The following ATG5 variants were observed in gnomAD, a reference collection of about 807,000 sequenced individuals.
The protein encoded by ATG5 is autophagy protein 5.
Under a neutral mutation model 36.5 loss-of-function variants are expected in ATG5, and 14 were observed. The ratio of observed to expected loss-of-function variants is 0.38; its 90% CI spans 0.25 to 0.60. ATG5 has a LOEUF of 0.60. Among genes scored for constraint, ATG5 ranks in the 20% least tolerant of loss-of-function variants. The pLI is 0.60. For missense variants in ATG5, 195 were observed against 326.7 expected (o/e 0.60, Z 3.11); for synonymous variants, 95 against 101.5 (o/e 0.94, Z 0.38).
At chr6:106,308,936 A>T (rs17066751) in intron 2 of ATG5, among the ~76,000 whole-genome samples, 1 of 152,182 alleles carries the variant, frequency 6.6e-6, no homozygotes, top group Admixed American at 6.5e-5. Flanking sequence ...CCAGTCCATC[A>T]TGTTTTGAAG....
intron 6 of ATG5, among the ~76,000 whole-genome samples, chr6:106,208,097 A>G (rs1444678911): frequency 6.6e-6 from 1 of 152,212 alleles, no homozygotes; most frequent in East Asian, 1.9e-4. Context: ...GTCTCAAAAA[A>G]GAGTATTAGA....
chr6:106,191,882 C>T (rs1489481129), intron 7 of ATG5, among the ~76,000 whole-genome samples: 2 of 152,000 alleles, frequency 1.3e-5, no homozygotes, highest in African/African-American at 4.8e-5. Flanking sequence ...CTAGATATAT[C>T]AAAAGATATA....
At chr6:106,212,337 A>C (rs1361060459) in intron 6 of ATG5, among the ~76,000 whole-genome samples, 3 of 152,368 alleles carry the variant, frequency 2.0e-5, no homozygotes, top group Middle Eastern at 3.4e-3. Context: ...GCTACCTTCC[A>C]AAATTAAAAA....
At chr6:106,265,168 C>CAAAA (rs748718301) in intron 5 of ATG5, among the ~76,000 whole-genome samples, 5 of 56,724 alleles carry the variant, frequency 8.8e-5, no homozygotes, top group African/African-American at 1.4e-4. Context: ...AAATGGAAAG[C>CAAAA]AAAAAAAAAA....
chr6:106,316,014 T>C (rs1770833448), intron 2 of ATG5, 87 bp downstream of exon 2: 1 of 1,058,448 alleles, frequency 9.4e-7, no homozygotes, highest in Non-Finnish European at 1.4e-6. Flanking sequence ...TCTAAAACGT[T>C]ACATAATGGC....
At chr6:106,307,535 CTTTTTTTT>C (rs34511184) in intron 3 of ATG5, among the ~76,000 whole-genome samples, 1 of 105,156 alleles carries the variant, frequency 9.5e-6, no homozygotes, top group Admixed American at 1.2e-4. Flanking sequence ...TTTCAATACC[CTTTTTTTT>C]TTTTTTTTTT....
chr6:106,228,722 C>T (rs1253637814), intron 6 of ATG5, among the ~76,000 whole-genome samples: 1 of 152,138 alleles, frequency 6.6e-6, no homozygotes, highest in African/African-American at 2.4e-5. Context: ...TTGCTTGCTA[C>T]TCTGGCCTAT....
At chr6:106,242,039 GATGA>G (rs1424004363) in intron 6 of ATG5, among the ~76,000 whole-genome samples, 16 of 152,084 alleles carry the variant, frequency 1.1e-4, no homozygotes, top group African/African-American at 3.6e-4. Context: ...AACTCCAGCA[GATGA>G]ATGGAGAAGC....
intron 6 of ATG5, among the ~76,000 whole-genome samples, chr6:106,231,298 C>G (rs1777679899): frequency 6.6e-6 from 1 of 152,202 alleles, no homozygotes; most frequent in South Asian, 2.1e-4. Context: ...ACTGCTAAAT[C>G]AGACACTAAC....
At chr6:106,225,453 T>A (rs1777417649) in intron 6 of ATG5, among the ~76,000 whole-genome samples, 1 of 152,216 alleles carries the variant, frequency 6.6e-6, no homozygotes. Flanking sequence ...ATTTTTATAT[T>A]TTATAAATAA....
chr6:106,294,670 C>T (rs116317894), intron 3 of ATG5, among the ~76,000 whole-genome samples: 3,549 of 145,090 alleles, frequency 0.024, 133 homozygotes, highest in African/African-American at 0.086. Flanking sequence ...CTGTCTCTAC[C>T]CAAAAATACA....
In ATG5 at chr6:106,239,959, T is replaced by C. The variant is rs75347451; in HGVS notation, c.573+8191A>G. Among the ~76,000 whole-genome samples the C allele has an allele frequency of 2.3e-3, 355 of 152,280 alleles. 4 individuals are homozygous for C. The highest frequency in any genetic ancestry group is 7.6e-3 in the African/African-American group (314 of 41,566). ...ATATAATAAAAGATCAGCTATCTCA[T>C]AGACACCTATCTCACACAACACATT... is the stretch of plus-strand genomic sequence containing the variant. On this transcript the variant is annotated intron_variant, in intron 6 of 7. Coordinates refer to ENST00000369076, the MANE Select transcript of ATG5 (RefSeq NM_004849.4).
chr6:106,243,733 A>G (rs1778216992), intron 6 of ATG5, among the ~76,000 whole-genome samples: 1 of 151,966 alleles, frequency 6.6e-6, no homozygotes, highest in Admixed American at 6.6e-5. Context: ...CGGGAGGCTG[A>G]GGCAGGAAAA....
intron 5 of ATG5, among the ~76,000 whole-genome samples, chr6:106,251,668 G>GGA (rs1562237640): frequency 1.1e-4 from 4 of 37,842 alleles, no homozygotes; most frequent in Non-Finnish European, 1.2e-4. Flanking sequence ...AGGAAGGGAG[G>GGA]GGGAGGGGGA....
chr6:106,221,352 AT>A, intron 6 of ATG5, among the ~76,000 whole-genome samples: 1 of 152,314 alleles, frequency 6.6e-6, no homozygotes, highest in South Asian at 2.1e-4. Context: ...CAGTTATAAC[AT>A]TTTAAGCCAT....
intron 5 of ATG5, among the ~76,000 whole-genome samples, chr6:106,269,773 C>T (rs1246071250): frequency 2.0e-5 from 3 of 152,222 alleles, no homozygotes; most frequent in Non-Finnish European, 2.9e-5. Flanking sequence ...CCCCGGTTCC[C>T]GCTCGCGCCT....
chr6:106,244,344 A>G (rs989575491), intron 6 of ATG5, among the ~76,000 whole-genome samples: 1 of 152,158 alleles, frequency 6.6e-6, no homozygotes, highest in Admixed American at 6.5e-5. Context: ...ATCTCTTAAG[A>G]TCTCCCATTC....
At chr6:106,299,633 T>C (rs1306890429) in intron 3 of ATG5, among the ~76,000 whole-genome samples, 1 of 152,252 alleles carries the variant, frequency 6.6e-6, no homozygotes, top group Non-Finnish European at 1.5e-5. Context: ...TTTTAATATT[T>C]CTTTGCTTTT....
intron 1 of ATG5, among the ~76,000 whole-genome samples, chr6:106,321,373 T>C (rs1771061592): frequency 6.6e-6 from 1 of 151,896 alleles, no homozygotes; most frequent in Non-Finnish European, 1.5e-5. Context: ...TTTTTTTTTT[T>C]TTTGAGACGG....
Sources: gnomAD v4.1 joint callset for allele counts (sites outside exome capture counted in the v4.1 genomes callset) on GRCh38, gnomAD v4.1.1 for gene constraint, MANE v1.5 for transcripts, NCBI Gene and HGNC (gene_info 2026-07-23, HGNC 2026-07-21) for gene names.